The following KIN variants were observed in gnomAD, a reference collection of about 807,000 sequenced individuals.
KIN encodes the protein DNA/RNA-binding protein KIN17.
KIN carries 47 observed loss-of-function variants against 63.0 expected under a neutral mutation model. The ratio of observed to expected loss-of-function variants is 0.75; its 90% CI spans 0.59 to 0.95. The LOEUF is 0.95. Ranked by LOEUF, KIN falls within the 40% of genes least tolerant of loss-of-function variation. KIN has a pLI of 0.00. For missense variants in KIN, 408 were observed against 460.9 expected (o/e 0.89, Z 1.05); for synonymous variants, 160 against 157.7 (o/e 1.01, Z -0.11).
In KIN at chr10:7,751,173, T is replaced by C. The variant is rs1835239819; in HGVS notation, c.*4907A>G. The C allele has an allele frequency of 6.6e-6, 1 of 152,204 alleles. No homozygotes were observed. Among genetic ancestry groups the C allele is most frequent in the African/African-American group, 2.4e-5 (1 of 41,440 alleles). The allele number at this position is 152,204 out of a possible 1,614,324, so 9.4% of individuals were successfully genotyped here. A position where few individuals can be genotyped will look rare whatever the true frequency, so the allele number is the denominator to read the frequency against. ...TCTGTGCTTTGCTGTGTTTACAACT[T>C]TCCTTAAAAAATCAATTCCTAAAAT... On this transcript the variant is annotated 3_prime_UTR_variant, in exon 13 of 13. Transcript: ENST00000379562.
chr10:7,767,589 G>T (rs1316223219), intron 8 of KIN, among the ~76,000 whole-genome samples: 1 of 152,150 alleles, frequency 6.6e-6, no homozygotes, highest in African/African-American at 2.4e-5. Flanking sequence ...GGGTGCGGTG[G>T]CTCACACCTT....
intron 7 of KIN, among the ~76,000 whole-genome samples, chr10:7,774,498 C>G (rs1421474752): frequency 6.6e-6 from 1 of 151,892 alleles, no homozygotes; most frequent in Non-Finnish European, 1.5e-5. Flanking sequence ...TCAAAAAACA[C>G]AATCATCTCA....
intron 7 of KIN, among the ~76,000 whole-genome samples, chr10:7,770,394 C>T (rs1835643969): frequency 1.3e-5 from 2 of 152,228 alleles, no homozygotes; most frequent in South Asian, 2.1e-4. Context: ...TGAAAATTTG[C>T]ACATGCCTTG....
At chr10:7,764,815 C>A (rs757342127) in intron 9 of KIN, among the ~76,000 whole-genome samples, 6 of 152,114 alleles carry the variant, frequency 3.9e-5, no homozygotes, top group Non-Finnish European at 8.8e-5. Flanking sequence ...TACTTATTGG[C>A]CCTTATCCAC....
rs1467934111 is a variant in KIN at position 7,753,894 on chromosome 10, C to T, written c.*2186G>A. The T allele has an allele frequency of 3.0e-6, 1 of 336,858 alleles. No homozygotes were observed. The highest frequency in any genetic ancestry group is 2.2e-5 in the African/African-American group (1 of 46,110). 20.9% of individuals were successfully genotyped at this position (336,858 alleles called of 1,614,324 possible). On this transcript the variant is annotated 3_prime_UTR_variant, in exon 13 of 13. Coordinates refer to ENST00000379562, the MANE Select transcript of KIN (RefSeq NM_012311.4). ...TTCTCCCATCTTCTGAGAATAGAAGCAATCAGCCCTCCCTGACTCTCAGTT... is the reference window on the plus strand; with the variant it reads ...TTCTCCCATCTTCTGAGAATAGAAGTAATCAGCCCTCCCTGACTCTCAGTT...
intron 8 of KIN, among the ~76,000 whole-genome samples, chr10:7,766,969 G>A (rs1835557060): frequency 1.3e-5 from 2 of 150,786 alleles, no homozygotes; most frequent in Non-Finnish European, 2.9e-5. Flanking sequence ...GTTGCAGTGA[G>A]CCGAGGTCAC....
At chr10:7,758,680 A>C (rs2130984392) in intron 12 of KIN, among the ~76,000 whole-genome samples, 1 of 151,844 alleles carries the variant, frequency 6.6e-6, no homozygotes, top group Admixed American at 6.6e-5. Context: ...CCATGCAAAA[A>C]AAAAAAAAAA....
intron 4 of KIN, 80 bp downstream of exon 4, chr10:7,779,976 C>T: frequency 1.0e-5 from 15 of 1,485,078 alleles, no homozygotes; most frequent in Admixed American, 6.2e-5. Flanking sequence ...AATTTTTTTT[C>T]TCTTTTCTTA....
Position 7,752,350 on chromosome 10 carries a change from A to G in KIN, c.*3730T>C, listed in dbSNP as rs1835257382. On this transcript the variant is annotated 3_prime_UTR_variant, in exon 13 of 13. Transcript: ENST00000379562. ...CTCCACATCATACTTCATCAAAGAA[A>G]TGCAAATTAAAGCAATGACAAGATC... is the stretch of plus-strand genomic sequence containing the variant. The G allele has an allele frequency of 6.6e-6, 1 of 152,258 alleles. No individual in the cohort carries two copies. The highest frequency in any genetic ancestry group is 2.1e-4 in the South Asian group (1 of 4,832). The allele number at this position is 152,258 out of a possible 1,614,324, so 9.4% of individuals were successfully genotyped here.
chr10:7,783,059 A>C (rs1835930278), intron 2 of KIN, 22 bp downstream of exon 2: 1 of 1,311,486 alleles, frequency 7.6e-7, no homozygotes, highest in African/African-American at 1.5e-5. Flanking sequence ...CTATAAGATA[A>C]AGAGTTCTTT....
At chr10:7,769,380 A>T (rs753683277) in intron 7 of KIN, 35 bp from the exon 8 acceptor site, 1 of 1,595,202 alleles carries the variant, frequency 6.3e-7, no homozygotes, top group Admixed American at 1.8e-5. Flanking sequence ...GTTACCAAGA[A>T]CCATACACAG....
chr10:7,773,803 A>C (rs2131013054), intron 7 of KIN, among the ~76,000 whole-genome samples: 1 of 152,378 alleles, frequency 6.6e-6, no homozygotes, highest in South Asian at 2.1e-4. Flanking sequence ...AAATTCCAGT[A>C]GATACTGGTA....
intron 2 of KIN, 62 bp from the exon 3 acceptor site, chr10:7,780,369 T>C: frequency 1.4e-6 from 2 of 1,399,426 alleles, no homozygotes; most frequent in Non-Finnish European, 2.0e-6. Context: ...ATCATCTTTT[T>C]GAAATTTAAG....
At chr10:7,780,708 T>C (rs529641920) in intron 2 of KIN, among the ~76,000 whole-genome samples, 3 of 152,342 alleles carry the variant, frequency 2.0e-5, no homozygotes, top group East Asian at 3.9e-4. Flanking sequence ...GCCAGTAGTA[T>C]AGTTTTAATG....
chr10:7,765,344 T>C (rs1235199743), intron 9 of KIN, among the ~76,000 whole-genome samples: 6 of 151,802 alleles, frequency 4.0e-5, no homozygotes, highest in Non-Finnish European at 8.8e-5. Context: ...CTTGTAGTCC[T>C]AGCTACTCTG....
At chr10:7,781,182 T>C (rs201963941) in intron 2 of KIN, among the ~76,000 whole-genome samples, 3 of 152,116 alleles carry the variant, frequency 2.0e-5, no homozygotes, top group East Asian at 1.9e-4. Context: ...GGTGATTTCA[T>C]TGTGGTCAGT....
At chr10:7,773,506 C>T (rs1835707557) in intron 7 of KIN, among the ~76,000 whole-genome samples, 1 of 152,176 alleles carries the variant, frequency 6.6e-6, no homozygotes, top group Non-Finnish European at 1.5e-5. Flanking sequence ...GACAATTCTT[C>T]TGGAATGTAC....
At position 7,777,420 on chromosome 10, in the gene KIN, G is replaced by A. The variant is rs192421563; in HGVS notation, c.558+1418C>T. Among the ~76,000 whole-genome samples the A allele has an allele frequency of 2.9e-3, 442 of 152,120 alleles. 2 individuals are homozygous for A. Among genetic ancestry groups the A allele is most frequent in the African/African-American group, 0.01 (426 of 41,490 alleles). ...TCTTTATCTGGGTGGTGGTTCCACA[G>A]GTTTTCTGTCACTCTTTCTACACAC... On this transcript the variant is annotated intron_variant, in intron 5 of 12. Coordinates refer to ENST00000379562, the MANE Select transcript of KIN (RefSeq NM_012311.4).
chr10:7,764,109 T>C (rs1198751083), intron 9 of KIN, among the ~76,000 whole-genome samples: 14 of 152,226 alleles, frequency 9.2e-5, no homozygotes, highest in Non-Finnish European at 1.9e-4. Context: ...CTCTAGTACT[T>C]CACGTCTTTC....
Sources: allele counts gnomAD v4.1 joint callset (sites outside exome capture counted in the v4.1 genomes callset), GRCh38; gene constraint gnomAD v4.1.1; transcripts MANE v1.5; gene names NCBI Gene and HGNC (gene_info 2026-07-23, HGNC 2026-07-21).